The following ANXA8 variants were observed in gnomAD, a reference collection of about 807,000 sequenced individuals.
The protein encoded by ANXA8 is annexin A8.
In ANXA8, 9 loss-of-function variants were observed where a neutral mutation model predicts 26.8. The observed-to-expected ratio is 0.34, with a 90% CI of 0.20 to 0.59. ANXA8 has a LOEUF of 0.59. ANXA8 is among the 20% of genes least tolerant of loss of function. The pLI is 0.84. For missense variants in ANXA8, 83 were observed against 238.5 expected, an observed-to-expected ratio of 0.35 and a Z score of 4.29; for synonymous variants, 39 against 94.8, an observed-to-expected ratio of 0.41 and a Z score of 3.42.
chr10:47,952,868 A>T, the ANXA8 span, among the ~76,000 whole-genome samples: 128 of 148,690 alleles, frequency 8.6e-4, 2 homozygotes, highest in Non-Finnish European at 1.4e-3. Flanking sequence ...TTACCAAAGT[A>T]ATTTGATGGG....
At chr10:47,570,947 G>A in the ANXA8 span, among the ~76,000 whole-genome samples, 5 of 150,446 alleles carry the variant, frequency 3.3e-5, no homozygotes, top group East Asian at 1.9e-4. Context: ...TTGACGTGCC[G>A]CATACCCAGC....
chr10:47,700,907 C>A, the ANXA8 span, among the ~76,000 whole-genome samples: 14 of 150,244 alleles, frequency 9.3e-5, no homozygotes, highest in Non-Finnish European at 2.1e-4. Flanking sequence ...CATAGTGAGA[C>A]CCTGTCTCTA....
the ANXA8 span, among the ~76,000 whole-genome samples, chr10:47,672,967 T>C: frequency 6.6e-6 from 1 of 151,240 alleles, no homozygotes; most frequent in Admixed American, 6.6e-5. Flanking sequence ...CAAACTTTCA[T>C]AGTGGAGAAG....
chr10:47,733,233 CTCTTTCTT>C, the ANXA8 span, among the ~76,000 whole-genome samples: 2,815 of 59,322 alleles, frequency 0.047, 135 homozygotes, highest in African/African-American at 0.056. Flanking sequence ...CTTTCTTTCT[CTCTTTCTT>C]TCTTTCTTTC....
At chr10:47,687,130 TAAA>T in the ANXA8 span, among the ~76,000 whole-genome samples, 3 of 150,954 alleles carry the variant, frequency 2.0e-5, no homozygotes, top group South Asian at 6.3e-4. Flanking sequence ...TAAAATAAAA[TAAA>T]ATAAAATAAA....
chr10:47,506,716 T>A, the ANXA8 span, among the ~76,000 whole-genome samples: 1 of 144,446 alleles, frequency 6.9e-6, no homozygotes, highest in South Asian at 2.2e-4. Context: ...CTCAGCTCTC[T>A]GCAACCTCCG....
At chr10:47,481,490 G>GGT (rs1839795010) in intron 1 of ANXA8, among the ~76,000 whole-genome samples, 1 of 140,908 alleles carries the variant, frequency 7.1e-6, no homozygotes. Context: ...TTCACCCACA[G>GGT]GAACGCAGGT....
At chr10:47,751,163 G>A in the ANXA8 span, 1 of 151,922 alleles carries the variant, frequency 6.6e-6, no homozygotes, top group Admixed American at 6.6e-5. Flanking sequence ...GGATGGACAA[G>A]AATACCCACT....
the ANXA8 span, among the ~76,000 whole-genome samples, chr10:47,511,181 G>A: frequency 0.046 from 6,263 of 135,776 alleles, 868 homozygotes; most frequent in African/African-American, 0.17. Context: ...CTCACCTCGT[G>A]ATCTGCCTGC....
At chr10:47,744,146 C>A in the ANXA8 span, among the ~76,000 whole-genome samples, 1 of 148,268 alleles carries the variant, frequency 6.7e-6, no homozygotes, top group African/African-American at 2.5e-5. Flanking sequence ...CACAGCCTCC[C>A]CGGTGCTGCA....
chr10:47,626,933 T>G, the ANXA8 span, among the ~76,000 whole-genome samples: 1 of 149,734 alleles, frequency 6.7e-6, no homozygotes, highest in Non-Finnish European at 1.5e-5. Flanking sequence ...GGGGTATGTT[T>G]TAGAATAGAA....
chr10:47,686,457 C>A, the ANXA8 span, among the ~76,000 whole-genome samples: 1 of 151,852 alleles, frequency 6.6e-6, no homozygotes, highest in Non-Finnish European at 1.5e-5. Flanking sequence ...GGTGATCCAC[C>A]TGCCTCAGCC....
At chr10:47,769,935 T>C in the ANXA8 span, among the ~76,000 whole-genome samples, 255 of 151,182 alleles carry the variant, frequency 1.7e-3, 1 homozygote, top group African/African-American at 5.8e-3. Context: ...GGTGCCAGCA[T>C]CTGCTTCTGG....
chr10:47,583,852 G>C, the ANXA8 span, among the ~76,000 whole-genome samples: 7 of 140,190 alleles, frequency 5.0e-5, no homozygotes, highest in Non-Finnish European at 9.0e-5. Flanking sequence ...CGCACAGCCT[G>C]CAAGCAGAAG....
At chr10:47,628,280 A>G in the ANXA8 span, among the ~76,000 whole-genome samples, 6 of 152,126 alleles carry the variant, frequency 3.9e-5, no homozygotes, top group African/African-American at 1.4e-4. Context: ...TTAATCATAT[A>G]CGTACCTTTT....
the ANXA8 span, among the ~76,000 whole-genome samples, chr10:47,966,580 G>A: frequency 2.0e-5 from 3 of 148,360 alleles, no homozygotes; most frequent in South Asian, 2.1e-4. Context: ...TCAGACCCAC[G>A]GCTGTAGGCC....
the ANXA8 span, among the ~76,000 whole-genome samples, chr10:47,985,136 A>C: frequency 6.7e-6 from 1 of 150,078 alleles, no homozygotes; most frequent in African/African-American, 2.5e-5. Context: ...TAAAAAAAAA[A>C]AATCTGATAA....
At chr10:47,718,124 A>G in the ANXA8 span, among the ~76,000 whole-genome samples, 51 of 152,338 alleles carry the variant, frequency 3.3e-4, no homozygotes, top group Middle Eastern at 3.4e-3. Flanking sequence ...CATGTAACAA[A>G]CCTGCACATC....
At chr10:47,638,892 T>C in the ANXA8 span, among the ~76,000 whole-genome samples, 1 of 140,688 alleles carries the variant, frequency 7.1e-6, no homozygotes, top group Non-Finnish European at 1.5e-5. Flanking sequence ...ATGAAAGTCA[T>C]AGAAAGCTTG....
Sources: gnomAD v4.1 joint callset for allele counts (sites outside exome capture counted in the v4.1 genomes callset) on GRCh38, gnomAD v4.1.1 for gene constraint, MANE v1.5 for transcripts, NCBI Gene and HGNC (gene_info 2026-07-23, HGNC 2026-07-21) for gene names.